MYO1E: variants seen among roughly 807,000 people sequenced by gnomAD.
MYO1E encodes unconventional myosin-Ie.
Under a neutral mutation model 151.1 loss-of-function variants are expected in MYO1E, and 68 were observed. The ratio of observed to expected loss-of-function variants is 0.45; its 90% CI spans 0.37 to 0.55. The LOEUF (loss-of-function observed/expected upper bound fraction) is 0.55, where lower values mean the gene tolerates loss of function less well. Ranked by LOEUF, MYO1E falls within the 20% of genes least tolerant of loss-of-function variation. The pLI is 0.00. For missense variants in MYO1E, 1,363 were observed against 1,389.3 expected (o/e 0.98, Z 0.30); for synonymous variants, 601 against 501.7 (o/e 1.20, Z -2.64).
At chr15:59,331,485 A>G (rs1181413585) in intron 1 of MYO1E, among the ~76,000 whole-genome samples, 1 of 152,208 alleles carries the variant, frequency 6.6e-6, no homozygotes, top group East Asian at 1.9e-4. Flanking sequence ...GAGATGGGAG[A>G]GGTAGAACAA....
chr15:59,151,055 G>GCA (rs1298037069), intron 26 of MYO1E, among the ~76,000 whole-genome samples: 29 of 143,644 alleles, frequency 2.0e-4, no homozygotes, highest in Non-Finnish European at 3.5e-4. Flanking sequence ...ACACACGCGC[G>GCA]CGCGCGCACG....
At chr15:59,292,378 A>G (rs1310205559) in intron 1 of MYO1E, among the ~76,000 whole-genome samples, 1 of 152,240 alleles carries the variant, frequency 6.6e-6, no homozygotes, top group African/African-American at 2.4e-5. Flanking sequence ...CAGAATTATT[A>G]TTACTATTTC....
At chr15:59,310,398 C>T (rs2080543686) in intron 1 of MYO1E, among the ~76,000 whole-genome samples, 1 of 152,188 alleles carries the variant, frequency 6.6e-6, no homozygotes, top group Non-Finnish European at 1.5e-5. Flanking sequence ...AAGACGAAGT[C>T]AGCAAAGCGG....
At chr15:59,313,724 ACT>A (rs1300853785) in intron 1 of MYO1E, among the ~76,000 whole-genome samples, 1 of 152,150 alleles carries the variant, frequency 6.6e-6, no homozygotes, top group African/African-American at 2.4e-5. Flanking sequence ...GTAAACTAGG[ACT>A]CTGTGTCTGG....
chr15:59,240,476 T>C (rs1031064449), intron 4 of MYO1E, among the ~76,000 whole-genome samples: 3 of 152,372 alleles, frequency 2.0e-5, no homozygotes, highest in Admixed American at 1.3e-4. Flanking sequence ...AAAAGCCATT[T>C]ACAATGGTAT....
intron 1 of MYO1E, among the ~76,000 whole-genome samples, chr15:59,355,707 T>C (rs986550266): frequency 1.6e-5 from 2 of 122,942 alleles, no homozygotes; most frequent in Admixed American, 2.0e-4. Flanking sequence ...TTTCCATCTC[T>C]TGTATTTGCC....
At chr15:59,347,204 G>A (rs573995333) in intron 1 of MYO1E, among the ~76,000 whole-genome samples, 125 of 152,290 alleles carry the variant, frequency 8.2e-4, no homozygotes, top group African/African-American at 3.0e-3. Flanking sequence ...TAAGATCAAA[G>A]CAGCACTAGA....
chr15:59,242,433 A>G (rs1313220580), intron 4 of MYO1E, among the ~76,000 whole-genome samples: 1 of 152,220 alleles, frequency 6.6e-6, no homozygotes, highest in African/African-American at 2.4e-5. Context: ...ATAAGTAATG[A>G]TAATAATGGA....
At chr15:59,233,930 A>G (rs1453582140) in intron 5 of MYO1E, among the ~76,000 whole-genome samples, 1 of 151,912 alleles carries the variant, frequency 6.6e-6, no homozygotes, top group African/African-American at 2.4e-5. Context: ...TATTAATTAT[A>G]TAATAAAATC....
chr15:59,227,501 C>A lies in MYO1E; in HGVS notation c.600G>T (p.Val200=). 1 of 1,614,190 alleles carries A rather than the reference C, an allele frequency of 6.2e-7. No individual in the cohort carries two copies. Among genetic ancestry groups the A allele is most frequent in the Non-Finnish European group, 8.5e-7 (1 of 1,180,016 alleles). Residue 200 remains valine, a synonymous_variant, in exon 7 of 28, where the codon GTG becomes GTT. Coordinates refer to ENST00000288235, the MANE Select transcript of MYO1E (RefSeq NM_004998.4). ...SNFLLEKSRV[V]MRNPGERSFH... Reference sequence around the variant, plus strand: ...AACTCCGCTCTCCTGGGTTCCTCATCACCACCCTAGATTTTTCCAGAAGGA... The same window carrying A: ...AACTCCGCTCTCCTGGGTTCCTCATAACCACCCTAGATTTTTCCAGAAGGA...
At chr15:59,335,821 C>T (rs2080724992) in intron 1 of MYO1E, among the ~76,000 whole-genome samples, 1 of 152,110 alleles carries the variant, frequency 6.6e-6, no homozygotes, top group South Asian at 2.1e-4. Context: ...AGGAAAGAAC[C>T]TGTATCATCT....
chr15:59,372,835 T>C lies in MYO1E; in HGVS notation c.-335A>G, dbSNP rs2080957095. On this transcript the variant is annotated 5_prime_UTR_variant, in exon 1 of 28. Transcript: ENST00000288235. ...CGCTCCCCTGCCTCACTCCTCTTTCTTCGGCCACTTAATCCGTACTCCTCT... is the reference window on the plus strand; with the variant it reads ...CGCTCCCCTGCCTCACTCCTCTTTCCTCGGCCACTTAATCCGTACTCCTCT... 1 of 438,680 alleles carries C rather than the reference T, an allele frequency of 2.3e-6. No homozygotes were observed. The allele number at this position is 438,680 out of a possible 1,614,324, so 27.2% of individuals were successfully genotyped here. A position where few individuals can be genotyped will look rare whatever the true frequency, so the allele number is the denominator to read the frequency against.
At chr15:59,156,689 G>A (rs1193032015) in intron 25 of MYO1E, among the ~76,000 whole-genome samples, 1 of 152,106 alleles carries the variant, frequency 6.6e-6, no homozygotes, top group Non-Finnish European at 1.5e-5. Flanking sequence ...CTCTTGGCTG[G>A]GAAGACTGGA....
At chr15:59,247,142 G>A (rs116610499) in intron 4 of MYO1E, among the ~76,000 whole-genome samples, 1,541 of 152,286 alleles carry the variant, frequency 0.01, 28 homozygotes, top group African/African-American at 0.035. Context: ...GTTGCAGTGT[G>A]TTGAAATTGT....
intron 1 of MYO1E, among the ~76,000 whole-genome samples, chr15:59,283,154 C>T (rs1439072146): frequency 6.6e-6 from 1 of 151,300 alleles, no homozygotes; most frequent in African/African-American, 2.4e-5. Context: ...AAGGTAGCTG[C>T]GCATGCATTT....
intron 11 of MYO1E, 80 bp from the exon 12 acceptor site, chr15:59,214,394 T>C: frequency 1.8e-6 from 2 of 1,105,836 alleles, no homozygotes; most frequent in Non-Finnish European, 2.7e-6. Context: ...TATTGAAATG[T>C]CTTCATGTGA....
At chr15:59,184,034 A>C (rs1190818747) in intron 18 of MYO1E, among the ~76,000 whole-genome samples, 1 of 152,164 alleles carries the variant, frequency 6.6e-6, no homozygotes, top group Non-Finnish European at 1.5e-5. Flanking sequence ...TCTGAGACGG[A>C]ATCTCGTTCT....
chr15:59,326,379 C>A (rs551248089), intron 1 of MYO1E, among the ~76,000 whole-genome samples: 2 of 151,950 alleles, frequency 1.3e-5, no homozygotes, highest in Non-Finnish European at 2.9e-5. Context: ...AAAAATTAGC[C>A]AGGTGTGGTG....
chr15:59,193,715 A>G (rs1473095909), intron 17 of MYO1E, among the ~76,000 whole-genome samples: 1 of 152,188 alleles, frequency 6.6e-6, no homozygotes, highest in East Asian at 1.9e-4. Context: ...GATAAAAGTG[A>G]CCTAGAGAAG....
Sources: gnomAD v4.1 joint callset for allele counts (sites outside exome capture counted in the v4.1 genomes callset) on GRCh38, gnomAD v4.1.1 for gene constraint, MANE v1.5 for transcripts, NCBI Gene and HGNC (gene_info 2026-07-23, HGNC 2026-07-21) for gene names.